Variants in ASIC2 observed in about 807,000 individuals in gnomAD.
ASIC2 encodes the protein acid sensing ion channel subunit 2.
ASIC2 carries 25 observed loss-of-function variants against 57.3 expected under a neutral mutation model. The observed-to-expected ratio is 0.44, with a 90% CI of 0.32 to 0.61. The LOEUF (loss-of-function observed/expected upper bound fraction) is 0.61. Among genes scored for constraint, ASIC2 ranks in the 20% least tolerant of loss-of-function variants. The pLI is 0.06. For missense variants in ASIC2, 641 were observed against 738.1 expected (o/e 0.87, Z 1.52); for synonymous variants, 319 against 307.5 (o/e 1.04, Z -0.39).
Position 33,568,575 on chromosome 17 carries a change from T to C in ASIC2, c.556-456508A>G, listed in dbSNP as rs916781946. Among the ~76,000 whole-genome samples the C allele has an allele frequency of 3.9e-5, 6 of 152,134 alleles. No individual in the cohort carries two copies. The East Asian group carries it at 1.2e-3, about 29-fold the overall frequency. ...TCATCTTAAGTATGAAATGACACCA[T>C]TCACGACCCTCGAGCAGAGTTAATC... On this transcript the variant is annotated intron_variant, in intron 1 of 9. Coordinates refer to the ASIC2 transcript ENST00000359872.
chr17:33,678,284 T>C (rs1049371370), intron 1 of ASIC2, among the ~76,000 whole-genome samples: 1 of 152,172 alleles, frequency 6.6e-6, no homozygotes, highest in Non-Finnish European at 1.5e-5. Context: ...AACCAAATAA[T>C]TTGTGTGACT....
intron 1 of ASIC2, among the ~76,000 whole-genome samples, chr17:33,494,739 C>T (rs1913873651): frequency 6.6e-6 from 1 of 152,192 alleles, no homozygotes; most frequent in South Asian, 2.1e-4. Context: ...CCCACACTGC[C>T]CACTTCGGAG....
chr17:33,304,309 C>T (rs1049326925), intron 1 of ASIC2, among the ~76,000 whole-genome samples: 5 of 152,114 alleles, frequency 3.3e-5, no homozygotes, highest in African/African-American at 9.7e-5. Flanking sequence ...AGAATTTAGG[C>T]GAGACAGGGT....
At chr17:33,619,413 GA>G (rs200407198) in intron 1 of ASIC2, among the ~76,000 whole-genome samples, 1,804 of 152,170 alleles carry the variant, frequency 0.012, 20 homozygotes, top group Non-Finnish European at 0.017. Context: ...GTTTTAAGGG[GA>G]AAAAAGGTGC....
chr17:33,893,238 T>G (rs891947767), intron 1 of ASIC2, among the ~76,000 whole-genome samples: 1 of 152,138 alleles, frequency 6.6e-6, no homozygotes, highest in Non-Finnish European at 1.5e-5. Context: ...AGGATTTAAA[T>G]CCATTTGGTC....
chr17:34,074,887 G>A (rs971582875), intron 1 of ASIC2, among the ~76,000 whole-genome samples: 3 of 148,184 alleles, frequency 2.0e-5, no homozygotes, highest in African/African-American at 7.5e-5. Context: ...CAGGGTTCAA[G>A]TGATTCTCCT....
At chr17:33,996,647 G>A (rs1335771978) in intron 1 of ASIC2, among the ~76,000 whole-genome samples, 1 of 152,156 alleles carries the variant, frequency 6.6e-6, no homozygotes, top group Non-Finnish European at 1.5e-5. Flanking sequence ...TGGTGCCTCT[G>A]ACAAAAATTA....
At chr17:33,841,710 G>A (rs1410267224) in intron 1 of ASIC2, among the ~76,000 whole-genome samples, 4 of 152,216 alleles carry the variant, frequency 2.6e-5, no homozygotes, top group Non-Finnish European at 4.4e-5. Flanking sequence ...GCATCAGTCA[G>A]TCTGAGTGGT....
intron 1 of ASIC2, among the ~76,000 whole-genome samples, chr17:33,115,977 C>T (rs549086301): frequency 6.6e-6 from 1 of 152,336 alleles, no homozygotes; most frequent in South Asian, 2.1e-4. Flanking sequence ...ACATCTTGCC[C>T]AGCTCCCCTT....
At chr17:33,588,147 T>C (rs557090401) in intron 1 of ASIC2, among the ~76,000 whole-genome samples, 1 of 152,354 alleles carries the variant, frequency 6.6e-6, no homozygotes, top group Non-Finnish European at 1.5e-5. Flanking sequence ...ATGAATGGTA[T>C]TTTCAAAAGA....
chr17:33,228,163 T>A (rs1297902334), intron 1 of ASIC2, among the ~76,000 whole-genome samples: 1 of 152,160 alleles, frequency 6.6e-6, no homozygotes, highest in Non-Finnish European at 1.5e-5. Context: ...ATTGTTTGGG[T>A]GTAATTTCAA....
At chr17:33,609,059 T>G (rs1042438534) in intron 1 of ASIC2, among the ~76,000 whole-genome samples, 1 of 152,212 alleles carries the variant, frequency 6.6e-6, no homozygotes, top group Admixed American at 6.5e-5. Flanking sequence ...AATATCATCC[T>G]GCCACAAAGA....
intron 1 of ASIC2, among the ~76,000 whole-genome samples, chr17:33,806,901 C>T (rs956300839): frequency 6.6e-6 from 1 of 152,226 alleles, no homozygotes; most frequent in Non-Finnish European, 1.5e-5. Context: ...ATGTCAGTGT[C>T]ATGTTTGCAT....
intron 1 of ASIC2, among the ~76,000 whole-genome samples, chr17:33,762,191 G>T (rs1442713585): frequency 6.6e-6 from 1 of 152,160 alleles, no homozygotes; most frequent in African/African-American, 2.4e-5. Flanking sequence ...TGGAGGAATG[G>T]TGACATGGCA....
chr17:33,789,372 G>A (rs1053000553), intron 1 of ASIC2, among the ~76,000 whole-genome samples: 1 of 151,792 alleles, frequency 6.6e-6, no homozygotes, highest in African/African-American at 2.4e-5. Context: ...TATAAACATT[G>A]TTTTCCTCAA....
At chr17:33,357,825 A>G (rs1908446240) in intron 1 of ASIC2, among the ~76,000 whole-genome samples, 1 of 152,128 alleles carries the variant, frequency 6.6e-6, no homozygotes, top group Non-Finnish European at 1.5e-5. Flanking sequence ...TCCGGGGTCT[A>G]TTTGCTATGA....
intron 1 of ASIC2, among the ~76,000 whole-genome samples, chr17:33,686,452 T>C (rs908953172): frequency 6.6e-6 from 1 of 152,174 alleles, no homozygotes; most frequent in Non-Finnish European, 1.5e-5. Flanking sequence ...ACAAAGTATC[T>C]GGCAAAGTCT....
intron 1 of ASIC2, among the ~76,000 whole-genome samples, chr17:33,963,397 C>T (rs1013541080): frequency 2.2e-4 from 33 of 152,226 alleles, no homozygotes; most frequent in South Asian, 8.3e-4. Flanking sequence ...CATTTCTGGA[C>T]GCAGAGTAGG....
intron 1 of ASIC2, among the ~76,000 whole-genome samples, chr17:33,659,600 G>A (rs1025188488): frequency 1.3e-5 from 2 of 152,172 alleles, no homozygotes; most frequent in Non-Finnish European, 2.9e-5. Flanking sequence ...GCGGGGCGCG[G>A]TGGCTCACGC....
Sources: allele counts gnomAD v4.1 joint callset (sites outside exome capture counted in the v4.1 genomes callset), GRCh38; gene constraint gnomAD v4.1.1; transcripts MANE v1.5; gene names NCBI Gene and HGNC (gene_info 2026-07-23, HGNC 2026-07-21).